Variants in BPTF observed in about 807,000 individuals in gnomAD.
BPTF encodes nucleosome-remodeling factor subunit BPTF.
A neutral mutation model predicts 292.5 loss-of-function variants in BPTF; 18 were observed. That is an observed-to-expected ratio of 0.06 (90% CI 0.04 to 0.09). BPTF has a LOEUF of 0.09. Among genes scored for constraint, BPTF ranks in the 10% least tolerant of loss-of-function variants. BPTF has a pLI of 1.00. For synonymous variants in BPTF, 1,225 were observed against 1,251.9 expected (o/e 0.98, Z 0.45); for missense variants, 2,726 against 3,498.7 (o/e 0.78, Z 5.57).
In BPTF at chr17:67,911,763, T is replaced by A. The variant is rs145233454; in HGVS notation, c.3879T>A (p.Ser1293=). 239 of 1,614,104 alleles carry A rather than the reference T, an allele frequency of 1.5e-4. No homozygotes were observed. The highest frequency in any genetic ancestry group is 1.9e-4 in the Non-Finnish European group (225 of 1,180,042). The part of the protein sequence containing the change: ...SESNSTLENS[S]DTVSIQDSSE... ...CTAATAGCACTTTGGAAAATAGTTCTGATACCGTGTCTATTCAGGATAGCA... is the reference window on the plus strand; with the variant it reads ...CTAATAGCACTTTGGAAAATAGTTCAGATACCGTGTCTATTCAGGATAGCA... The change falls in exon 11 of 28, where the codon TCT becomes TCA. Residue 1293 remains serine (S), a synonymous_variant. Transcript: ENST00000306378.
chr17:67,828,004 T>C (rs773423558), intron 1 of BPTF, among the ~76,000 whole-genome samples: 30 of 150,646 alleles, frequency 2.0e-4, no homozygotes, highest in Non-Finnish European at 3.1e-4. Flanking sequence ...TGATCTCGGC[T>C]CACTGCAACC....
chr17:67,844,548 AT>A (rs1177374189), intron 1 of BPTF, among the ~76,000 whole-genome samples: 16 of 141,302 alleles, frequency 1.1e-4, no homozygotes, highest in Admixed American at 2.1e-4. Flanking sequence ...CGCCCGGCTA[AT>A]TTTTTTTTTC....
At chr17:67,869,846 A>G (rs1346651938) in intron 3 of BPTF, among the ~76,000 whole-genome samples, 1 of 147,792 alleles carries the variant, frequency 6.8e-6, no homozygotes, top group African/African-American at 2.5e-5. Context: ...AAAAAAAAAA[A>G]AAAAAATTAG....
chr17:67,926,877 A>G (rs1175229346), intron 15 of BPTF, among the ~76,000 whole-genome samples: 4 of 150,484 alleles, frequency 2.7e-5, no homozygotes, highest in African/African-American at 7.3e-5. Context: ...AGCTGGAGCT[A>G]CAGAAACACT....
intron 26 of BPTF, 90 bp downstream of exon 26, chr17:67,966,746 A>C: frequency 1.7e-6 from 2 of 1,147,524 alleles, no homozygotes; most frequent in Non-Finnish European, 2.4e-6. Context: ...TATTTTTAGC[A>C]AGGCTGGTGG....
intron 15 of BPTF, among the ~76,000 whole-genome samples, chr17:67,927,036 T>C (rs62085993): frequency 0.22 from 33,355 of 152,070 alleles, 4,314 homozygotes; most frequent in East Asian, 0.68. Context: ...TATTCAGGTA[T>C]ATAGGATAGG....
chr17:67,860,587 ATCTT>A (rs1220486031), intron 2 of BPTF, among the ~76,000 whole-genome samples: 1 of 152,246 alleles, frequency 6.6e-6, no homozygotes, highest in Non-Finnish European at 1.5e-5. Flanking sequence ...AAGTGGGCCA[ATCTT>A]TCTTAACTAT....
At chr17:67,883,686 G>GC (rs1484621422) in intron 4 of BPTF, among the ~76,000 whole-genome samples, 3 of 152,046 alleles carry the variant, frequency 2.0e-5, no homozygotes, top group South Asian at 2.1e-4. Context: ...AGCAACCTCC[G>GC]CCCCCCTGGG....
At chr17:67,904,121 T>A (rs11654786) in intron 8 of BPTF, among the ~76,000 whole-genome samples, 5 of 152,180 alleles carry the variant, frequency 3.3e-5, no homozygotes, top group African/African-American at 7.2e-5. Flanking sequence ...CTCCGCCTCC[T>A]GGGTTCAAAC....
At chr17:67,937,727 G>A (rs564501089) in intron 18 of BPTF, among the ~76,000 whole-genome samples, 1 of 151,482 alleles carries the variant, frequency 6.6e-6, no homozygotes, top group East Asian at 2.0e-4. Flanking sequence ...TATGGTCAGA[G>A]AGGTGGAGGG....
chr17:67,896,214 G>A (rs932279181), intron 7 of BPTF, among the ~76,000 whole-genome samples: 32 of 152,234 alleles, frequency 2.1e-4, no homozygotes, highest in African/African-American at 6.7e-4. Flanking sequence ...CGCCCGCCTT[G>A]GCCTCCCAAA....
intron 18 of BPTF, among the ~76,000 whole-genome samples, chr17:67,936,837 A>G (rs1013913604): frequency 1.3e-5 from 2 of 152,256 alleles, no homozygotes; most frequent in African/African-American, 2.4e-5. Context: ...ATAAAATACT[A>G]TCCCCATTTT....
intron 7 of BPTF, among the ~76,000 whole-genome samples, chr17:67,898,150 A>T (rs1177984311): frequency 6.6e-6 from 1 of 152,220 alleles, no homozygotes; most frequent in Non-Finnish European, 1.5e-5. Context: ...CGAGTGGATC[A>T]CTTGAGCCCA....
intron 3 of BPTF, among the ~76,000 whole-genome samples, chr17:67,871,933 A>G (rs1294579327): frequency 2.6e-5 from 4 of 151,982 alleles, no homozygotes; most frequent in Non-Finnish European, 5.9e-5. Context: ...TCAAGCAATT[A>G]TCATGTCTCA....
chr17:67,849,169 C>T (rs1412165722), intron 1 of BPTF, among the ~76,000 whole-genome samples: 1 of 152,150 alleles, frequency 6.6e-6, no homozygotes, highest in African/African-American at 2.4e-5. Context: ...ACATCAGAAT[C>T]ATTTGGGGAG....
chr17:67,858,721 AGTCATCAGGATGGCTG>A, intron 2 of BPTF, among the ~76,000 whole-genome samples: 1 of 152,348 alleles, frequency 6.6e-6, no homozygotes, highest in South Asian at 2.1e-4. Flanking sequence ...AGGAGCTCAT[AGTCATCAGGATGGCTG>A]GGAACAAATT....
intron 1 of BPTF, among the ~76,000 whole-genome samples, chr17:67,833,824 T>C (rs1459760718): frequency 6.6e-6 from 1 of 152,138 alleles, no homozygotes; most frequent in Non-Finnish European, 1.5e-5. Flanking sequence ...CGCCTTGGCC[T>C]CCCAAAGTGC....
At chr17:67,901,999 A>G (rs1372117383) in intron 7 of BPTF, among the ~76,000 whole-genome samples, 1 of 152,236 alleles carries the variant, frequency 6.6e-6, no homozygotes, top group Non-Finnish European at 1.5e-5. Flanking sequence ...AGTTGAGTTC[A>G]TTCTCTTGGT....
intron 11 of BPTF, 126 bp downstream of exon 11, chr17:67,913,313 T>C (rs2062772559): frequency 7.1e-7 from 1 of 1,399,622 alleles, no homozygotes; most frequent in Non-Finnish European, 9.4e-7. Context: ...TGGCCAAAGA[T>C]AGTAATGGAA....
Sources: gnomAD v4.1 joint callset for allele counts (sites outside exome capture counted in the v4.1 genomes callset) on GRCh38, gnomAD v4.1.1 for gene constraint, MANE v1.5 for transcripts, NCBI Gene and HGNC (gene_info 2026-07-23, HGNC 2026-07-21) for gene names.